Variants in FMN1 observed in about 807,000 individuals in gnomAD.
FMN1 encodes the protein formin 1, also known as formin-1.
FMN1 carries 110 observed loss-of-function variants against 132.4 expected under a neutral mutation model. The ratio of observed to expected loss-of-function variants is 0.83; its 90% confidence interval spans 0.71 to 0.97. The LOEUF (loss-of-function observed/expected upper bound fraction) is 0.97, where lower values mean the gene tolerates loss of function less well. Ranked by LOEUF, FMN1 falls within the 50% of genes least tolerant of loss-of-function variation. FMN1 has a pLI of 0.00. For synonymous variants in FMN1, 722 were observed against 651.7 expected (o/e 1.11, Z -1.64); for missense variants, 1,792 against 1,705.3 (o/e 1.05, Z -0.90).
intron 6 of FMN1, among the ~76,000 whole-genome samples, chr15:33,033,252 G>A (rs933353278): frequency 9.9e-5 from 15 of 152,116 alleles, no homozygotes; most frequent in African/African-American, 3.4e-4. Context: ...GGATAGTCTT[G>A]ATCTCCTGAC....
At chr15:33,021,534 A>AT (rs921540884) in intron 6 of FMN1, among the ~76,000 whole-genome samples, 1 of 152,184 alleles carries the variant, frequency 6.6e-6, no homozygotes, top group African/African-American at 2.4e-5. Flanking sequence ...ATACTCAAAA[A>AT]ATTAGTTCAG....
intron 8 of FMN1, among the ~76,000 whole-genome samples, chr15:32,967,078 T>A (rs553778289): frequency 2.7e-4 from 41 of 152,378 alleles, no homozygotes; most frequent in South Asian, 2.1e-3. Context: ...TGATGTCCTA[T>A]TCATCTACTT....
chr15:33,081,276 A>G (rs1311284241), intron 5 of FMN1, among the ~76,000 whole-genome samples: 3 of 152,208 alleles, frequency 2.0e-5, no homozygotes, highest in Non-Finnish European at 2.9e-5. Context: ...TTGAACCTGC[A>G]TTTGTAACAT....
intron 7 of FMN1, among the ~76,000 whole-genome samples, chr15:32,986,356 T>TA (rs2033070082): frequency 1.3e-5 from 2 of 152,144 alleles, no homozygotes; most frequent in African/African-American, 4.8e-5. Flanking sequence ...AAGCAAATTC[T>TA]AAAACCCCAC....
chr15:33,065,147 A>C, intron 5 of FMN1, 73 bp from the exon 6 acceptor site: 1 of 966,810 alleles, frequency 1.0e-6, no homozygotes. Flanking sequence ...TGACATGCTA[A>C]ACCTAATTCT....
rs536104629 is a variant in FMN1, at chr15:33,120,996, G to A, written c.1868-32022C>T. Among the ~76,000 whole-genome samples, 4 of 152,110 alleles carry A rather than the reference G, an allele frequency of 2.6e-5. No homozygotes were observed. The South Asian group carries it at 6.3e-4, about 24-fold the overall frequency. ...TTCCTCCCATTGCTTCTTGATAGAG[G>A]TTTTAGTCTTAATTATAGGATAGTA... On this transcript the variant is annotated intron_variant, in intron 4 of 20. Transcript: ENST00000616417.
intron 6 of FMN1, among the ~76,000 whole-genome samples, chr15:33,016,384 A>G (rs890466335): frequency 2.0e-5 from 3 of 152,238 alleles, no homozygotes; most frequent in Non-Finnish European, 4.4e-5. Flanking sequence ...TTCATATTTA[A>G]TAAGCTTATG....
rs1403010253 is a variant in FMN1, at chr15:33,114,139, C to CTAT, written c.1868-25168_1868-25166dup. ...CTGAGCCTGTTCTGCCGTCAAGGTC[C>CTAT]TATAGGACACTACTGCTAGTGCCTG... On this transcript the variant is annotated intron_variant, in intron 4 of 20. Transcript: ENST00000616417. Among the ~76,000 whole-genome samples the CTAT allele has an allele frequency of 2.0e-5, 3 of 152,336 alleles. No homozygotes were observed. The East Asian group carries it at 5.8e-4, about 29-fold the overall frequency.
chr15:33,019,259 G>A (rs2035276344), intron 6 of FMN1, among the ~76,000 whole-genome samples: 1 of 152,192 alleles, frequency 6.6e-6, no homozygotes, highest in African/African-American at 2.4e-5. Flanking sequence ...GATACAGAGT[G>A]TCCATTGGTG....
At chr15:33,026,853 G>C (rs1045291051) in intron 6 of FMN1, among the ~76,000 whole-genome samples, 1 of 152,162 alleles carries the variant, frequency 6.6e-6, no homozygotes, top group African/African-American at 2.4e-5. Context: ...TTCTAAGGGA[G>C]ACAGGACACT....
intron 4 of FMN1, among the ~76,000 whole-genome samples, chr15:33,115,211 T>G (rs1278231188): frequency 1.3e-5 from 2 of 152,084 alleles, no homozygotes; most frequent in Non-Finnish European, 2.9e-5. Context: ...AGGAGAGTAC[T>G]TAAGAAATAA....
intron 10 of FMN1, among the ~76,000 whole-genome samples, chr15:32,919,618 A>G (rs77373861): frequency 0.063 from 9,642 of 152,264 alleles, 438 homozygotes; most frequent in Middle Eastern, 0.15. Flanking sequence ...TCCTACACTT[A>G]TATTTTAGAA....
chr15:32,914,083 C>T (rs532994035), intron 10 of FMN1, among the ~76,000 whole-genome samples: 8 of 151,952 alleles, frequency 5.3e-5, no homozygotes, highest in African/African-American at 1.7e-4. Context: ...TAGATTATAC[C>T]GCTTGCCTGA....
chr15:32,850,338 T>TA lies in FMN1; in HGVS notation c.3928+6676dup, dbSNP rs1278538652. 7.2e-5 allele frequency among the ~76,000 whole-genome samples: 11 copies of TA among 152,328 alleles called. No individual in the cohort carries two copies. In the South Asian group the frequency reaches 1.9e-3, roughly 26 times the overall value. ...AATAACCTGCTCTTATTTTGCAACT[T>TA]AGAGATTTAAGTATGGCCTTTGTCA... On this transcript the variant is annotated intron_variant, in intron 17 of 20. Coordinates refer to ENST00000616417, the MANE Select transcript of FMN1 (RefSeq NM_001277313.2).
At chr15:32,970,140 A>T (rs1402135690) in intron 7 of FMN1, among the ~76,000 whole-genome samples, 1 of 152,216 alleles carries the variant, frequency 6.6e-6, no homozygotes, top group Non-Finnish European at 1.5e-5. Flanking sequence ...ACAGCACTTT[A>T]AAGTATATAA....
In FMN1 at chr15:32,805,685, G is replaced by A. The variant is rs376747412; in HGVS notation, c.3929-1353C>T. Among the ~76,000 whole-genome samples, 7 of 152,292 alleles carry A rather than the reference G, an allele frequency of 4.6e-5. No homozygotes were observed. The South Asian group carries it at 8.3e-4, about 18-fold the overall frequency. On this transcript the variant is annotated intron_variant, in intron 17 of 20. Transcript: ENST00000616417. Reference sequence around the variant, plus strand: ...AAGACATAAATTAGGGAAATCTTGGGTAGATCACGACATGTGGTCCCTCTT... The same window carrying A: ...AAGACATAAATTAGGGAAATCTTGGATAGATCACGACATGTGGTCCCTCTT...
At chr15:32,919,259 C>T (rs1001358928) in intron 10 of FMN1, among the ~76,000 whole-genome samples, 5 of 152,098 alleles carry the variant, frequency 3.3e-5, no homozygotes, top group Admixed American at 2.6e-4. Flanking sequence ...AGTGAAACCC[C>T]AGATTTAAGA....
intron 15 of FMN1, among the ~76,000 whole-genome samples, chr15:32,889,566 A>C (rs2059976015): frequency 6.6e-6 from 1 of 152,056 alleles, no homozygotes; most frequent in African/African-American, 2.4e-5. Flanking sequence ...AACAGACCAC[A>C]ATCTCTTGCT....
intron 6 of FMN1, among the ~76,000 whole-genome samples, chr15:33,036,668 A>C (rs1308868806): frequency 2.0e-5 from 3 of 152,218 alleles, no homozygotes; most frequent in Non-Finnish European, 4.4e-5. Context: ...CAATATCTTT[A>C]TCAGCAAAAT....
Sources: gnomAD v4.1 joint callset for allele counts (sites outside exome capture counted in the v4.1 genomes callset) on GRCh38, gnomAD v4.1.1 for gene constraint, MANE v1.5 for transcripts, NCBI Gene and HGNC (gene_info 2026-07-23, HGNC 2026-07-21) for gene names.